ENOX1: variants seen among roughly 807,000 people sequenced by gnomAD.
The protein encoded by ENOX1 is ecto-NOX disulfide-thiol exchanger 1, also known as candidate growth-related and time keeping constitutive hydroquinone (NADH) oxidase.
ENOX1 carries 42 observed loss-of-function variants against 82.5 expected under a neutral mutation model. The ratio of observed to expected loss-of-function variants is 0.51; its 90% CI spans 0.40 to 0.66. ENOX1 has a LOEUF of 0.66. Among genes scored for constraint, ENOX1 ranks in the 30% least tolerant of loss-of-function variants. ENOX1 has a pLI of 0.00. For synonymous variants in ENOX1, 271 were observed against 282.2 expected (o/e 0.96, Z 0.40); for missense variants, 608 against 811.6 (o/e 0.75, Z 3.05).
chr13:43,669,370 C>CT (rs2085145848), intron 1 of ENOX1, among the ~76,000 whole-genome samples: 2 of 152,244 alleles, frequency 1.3e-5, no homozygotes, highest in African/African-American at 4.8e-5. Context: ...CTCCTTCCCC[C>CT]TCACTTATTC....
chr13:43,339,113 TA>T (rs1456766422), intron 9 of ENOX1, among the ~76,000 whole-genome samples: 2 of 152,212 alleles, frequency 1.3e-5, no homozygotes, highest in Admixed American at 6.5e-5. Flanking sequence ...AGAACTTTCA[TA>T]AATACGGGCA....
At position 43,284,949 on chromosome 13, in the gene ENOX1, G is replaced by A. The variant is rs182873543; in HGVS notation, c.1446+13397C>T. On this transcript the variant is annotated intron_variant, in intron 12 of 16. Coordinates refer to ENST00000690772, the MANE Select transcript of ENOX1 (RefSeq NM_001347969.2). ...AAATATGTAGAGAAGGAGAGTCAGA[G>A]ACACAGAGAGAAGAAACAGAAAGTA... Among the ~76,000 whole-genome samples the A allele has an allele frequency of 2.0e-5, 3 of 152,162 alleles. No homozygotes were observed. The East Asian group carries it at 5.8e-4, about 29-fold the overall frequency.
intron 16 of ENOX1, among the ~76,000 whole-genome samples, chr13:43,218,253 G>A (rs1277946849): frequency 1.3e-5 from 2 of 152,180 alleles, no homozygotes; most frequent in South Asian, 2.1e-4. Context: ...CTGCCACAAA[G>A]ATGCAAATAA....
At chr13:43,437,871 G>A (rs886229135) in intron 3 of ENOX1, among the ~76,000 whole-genome samples, 11 of 152,252 alleles carry the variant, frequency 7.2e-5, no homozygotes, top group Middle Eastern at 3.4e-3. Flanking sequence ...GCATTAAAAC[G>A]CAGGTTAACA....
chr13:43,556,623 A>T (rs992764628), intron 2 of ENOX1, among the ~76,000 whole-genome samples: 6 of 152,098 alleles, frequency 3.9e-5, no homozygotes, highest in African/African-American at 1.4e-4. Flanking sequence ...ATTCATGATT[A>T]ATTATTTCTT....
chr13:43,265,457 G>A lies in ENOX1; in HGVS notation c.1555-3C>T. The stretch of plus-strand genomic sequence containing the variant: ...ACCAATTCCTTGGTACCTTTTAACT[G>A]CAAATTTTAAGGAAAAACAACACAA... On this transcript the variant is annotated splice_polypyrimidine_tract_variant and splice_region_variant and intron_variant, in intron 13 of 16. Transcript: ENST00000690772. The A allele has an allele frequency of 2.5e-6, 4 of 1,609,808 alleles. No individual in the cohort carries two copies. The highest frequency in any genetic ancestry group is 1.1e-5 in the South Asian group (1 of 90,192).
intron 1 of ENOX1, among the ~76,000 whole-genome samples, chr13:43,752,143 A>G (rs1400381277): frequency 1.3e-5 from 2 of 152,074 alleles, no homozygotes; most frequent in Non-Finnish European, 2.9e-5. Context: ...AATCATGTTG[A>G]GCATCTTCTC....
At chr13:43,361,601 G>T in intron 5 of ENOX1, 149 bp from the exon 6 acceptor site, 2 of 677,896 alleles carry the variant, frequency 3.0e-6, no homozygotes, top group Non-Finnish European at 2.3e-6. Flanking sequence ...AGAAAGCTAT[G>T]CCAGAAGGGT....
At chr13:43,596,970 T>C (rs1055523785) in intron 2 of ENOX1, among the ~76,000 whole-genome samples, 2 of 152,164 alleles carry the variant, frequency 1.3e-5, no homozygotes, top group Admixed American at 6.6e-5. Context: ...GAGTAATTTA[T>C]GAAGAAAAGA....
chr13:43,524,312 AG>A (rs1278828457), intron 2 of ENOX1, among the ~76,000 whole-genome samples: 1 of 152,094 alleles, frequency 6.6e-6, no homozygotes, highest in Non-Finnish European at 1.5e-5. Context: ...TTGAGTCATC[AG>A]GGTCCAAGCT....
At chr13:43,777,384 C>A (rs762734815) in intron 1 of ENOX1, among the ~76,000 whole-genome samples, 1 of 152,274 alleles carries the variant, frequency 6.6e-6, no homozygotes, top group African/African-American at 2.4e-5. Flanking sequence ...TATGTGCGCA[C>A]ACACGTACAC....
At chr13:43,361,145 G>C (rs1194675253) in intron 6 of ENOX1, 134 bp downstream of exon 6, 1 of 855,020 alleles carries the variant, frequency 1.2e-6, no homozygotes, top group Non-Finnish European at 1.8e-6. Flanking sequence ...AGAGACAAAA[G>C]GCCTTCTGTA....
chr13:43,502,582 A>G (rs1245211590), intron 2 of ENOX1, among the ~76,000 whole-genome samples: 3 of 151,782 alleles, frequency 2.0e-5, no homozygotes, highest in South Asian at 2.1e-4. Context: ...GTGATACATC[A>G]TAGTAACAGA....
In ENOX1 at chr13:43,361,770, C is replaced by T. The variant is rs117256792; in HGVS notation, c.209-318G>A. The stretch of plus-strand genomic sequence containing the variant: ...GTGAATGCAATTTTCTATTTCTTAA[C>T]GTTGGTGTATTGTTTATACCACCTT... On this transcript the variant is annotated intron_variant, in intron 5 of 16. Transcript: ENST00000690772. Among the ~76,000 whole-genome samples, 24 of 152,202 alleles carry T rather than the reference C, an allele frequency of 1.6e-4. No individual in the cohort carries two copies. The East Asian group carries it at 4.1e-3, about 26-fold the overall frequency.
At chr13:43,279,821 G>T (rs115055564) in intron 12 of ENOX1, among the ~76,000 whole-genome samples, 2,791 of 152,290 alleles carry the variant, frequency 0.018, 94 homozygotes, top group African/African-American at 0.063. Flanking sequence ...AGAGAGAAAG[G>T]TCGGTTGTTC....
intron 2 of ENOX1, among the ~76,000 whole-genome samples, chr13:43,557,871 A>T (rs1228289098): frequency 6.6e-6 from 1 of 152,150 alleles, no homozygotes; most frequent in Non-Finnish European, 1.5e-5. Context: ...TAATGATGAG[A>T]AAAAAGATAT....
intron 7 of ENOX1, 68 bp from the exon 8 acceptor site, chr13:43,356,220 A>C (rs1325196824): frequency 7.1e-7 from 1 of 1,417,252 alleles, no homozygotes; most frequent in East Asian, 2.4e-5. Flanking sequence ...CCAGACCTTC[A>C]AGGCACGCTT....
chr13:43,648,347 G>A (rs987279857), intron 2 of ENOX1, among the ~76,000 whole-genome samples: 3 of 152,160 alleles, frequency 2.0e-5, no homozygotes, highest in Non-Finnish European at 4.4e-5. Flanking sequence ...AGAGAGCCAT[G>A]GTCAGCTTCT....
intron 1 of ENOX1, among the ~76,000 whole-genome samples, chr13:43,745,779 C>T (rs1949990210): frequency 6.6e-6 from 1 of 152,094 alleles, no homozygotes; most frequent in Non-Finnish European, 1.5e-5. Context: ...GGCAGTCACC[C>T]TCATGCCATT....
Sources: allele counts gnomAD v4.1 joint callset (sites outside exome capture counted in the v4.1 genomes callset), GRCh38; gene constraint gnomAD v4.1.1; transcripts MANE v1.5; gene names NCBI Gene and HGNC (gene_info 2026-07-23, HGNC 2026-07-21).